The following CYSTM1 variants were observed in gnomAD, a reference collection of about 807,000 sequenced individuals.
CYSTM1 encodes cysteine-rich transmembrane module-containing protein 1.
A neutral mutation model predicts 13.1 loss-of-function variants in CYSTM1; 4 were observed. The ratio of observed to expected loss-of-function variants is 0.31; its 90% CI spans 0.15 to 0.70. The LOEUF (loss-of-function observed/expected upper bound fraction) is 0.70, where lower values mean the gene tolerates loss of function less well. Among genes scored for constraint, CYSTM1 ranks in the 30% least tolerant of loss-of-function variants. CYSTM1 has a pLI of 0.72. For missense variants in CYSTM1, 96 were observed against 121.6 expected, an observed-to-expected ratio of 0.79 and a Z score of 0.99; for synonymous variants, 36 against 42.7, an observed-to-expected ratio of 0.84 and a Z score of 0.62.
At chr5:140,232,320 T>G (rs1764626692) in intron 2 of CYSTM1, among the ~76,000 whole-genome samples, 1 of 152,144 alleles carries the variant, frequency 6.6e-6, no homozygotes, top group Non-Finnish European at 1.5e-5. Flanking sequence ...GAGATGTCAA[T>G]GTGGAGAGCC....
intron 2 of CYSTM1, among the ~76,000 whole-genome samples, chr5:140,204,689 GCCCT>G (rs1764276357): frequency 6.6e-6 from 1 of 152,114 alleles, no homozygotes; most frequent in Non-Finnish European, 1.5e-5. Context: ...CTTTGAGTGT[GCCCT>G]GCCTCCCCTT....
intron 1 of CYSTM1, among the ~76,000 whole-genome samples, chr5:140,176,580 C>G (rs1581055403): frequency 6.6e-6 from 1 of 152,142 alleles, no homozygotes. Context: ...ATAGCGTCCA[C>G]AACACTTTGC....
chr5:140,189,070 C>T (rs543497183), intron 1 of CYSTM1, among the ~76,000 whole-genome samples: 108 of 152,260 alleles, frequency 7.1e-4, no homozygotes, highest in African/African-American at 2.5e-3. Context: ...TCAGTATCCA[C>T]AGATTTGTTT....
intron 1 of CYSTM1, among the ~76,000 whole-genome samples, chr5:140,177,353 G>A (rs1763903237): frequency 6.6e-6 from 1 of 151,994 alleles, no homozygotes. Context: ...GTGCAGTGTC[G>A]AGATCTTGGC....
At chr5:140,205,168 GGT>G (rs879909640) in intron 2 of CYSTM1, among the ~76,000 whole-genome samples, 2 of 152,080 alleles carry the variant, frequency 1.3e-5, no homozygotes, top group Non-Finnish European at 2.9e-5. Context: ...CATCTTCAGG[GGT>G]ACCCTTTTGG....
In CYSTM1 at chr5:140,194,613, G is replaced by A. The variant is rs200380290; in HGVS notation, c.148G>A (p.Gly50Ser). The A allele has an allele frequency of 2.5e-5, 41 of 1,613,364 alleles. No individual in the cohort carries two copies. Among genetic ancestry groups the A allele is most frequent in the South Asian group, 5.5e-5 (5 of 91,014 alleles). Residue 50 changes from glycine to serine, a missense_variant, in exon 2 of 3, where the codon GGC (glycine) becomes AGC (serine). Coordinates refer to ENST00000261811, the MANE Select transcript of CYSTM1 (RefSeq NM_032412.4). The stretch of plus-strand genomic sequence containing the variant: ...CCCCTACCAAGGATACCCACAGTAC[G>A]GCTGGCAGGGTGGACCTCAGGAGCC... ...GYPYQGYPQY[G>S]WQGGPQEPPK...
Position 140,243,452 on chromosome 5 carries a change from C to A in CYSTM1, c.*41C>A. 1 of 1,567,926 alleles carries A rather than the reference C, an allele frequency of 6.4e-7. No homozygotes were observed. The highest frequency in any genetic ancestry group is 8.8e-7 in the Non-Finnish European group (1 of 1,142,488). ...CGTCCTGTCCTGCCAGCTCTGCTGC[C>A]ACCTCTGACAGGTGTGCCTGCCCCC... On this transcript the variant is annotated 3_prime_UTR_variant, in exon 3 of 3. Transcript: ENST00000261811.
At position 140,241,765 on chromosome 5, in the gene CYSTM1, G is replaced by T. The variant is rs571202801; in HGVS notation, c.188-1540G>T. 2.0e-5 allele frequency among the ~76,000 whole-genome samples: 3 copies of T among 152,176 alleles called. No homozygotes were observed. The East Asian group carries it at 5.8e-4, about 29-fold the overall frequency. ...GCTTTCCTGCTGCAGTGACCCCAGG[G>T]CCTGGGGTGGCCAGGCTTCAGTGGG... On this transcript the variant is annotated intron_variant, in intron 2 of 2. Coordinates refer to ENST00000261811, the MANE Select transcript of CYSTM1 (RefSeq NM_032412.4).
intron 2 of CYSTM1, among the ~76,000 whole-genome samples, chr5:140,210,714 G>A (rs890093613): frequency 2.0e-5 from 3 of 152,034 alleles, no homozygotes; most frequent in Non-Finnish European, 2.9e-5. Context: ...GTCTCGCTCT[G>A]TTACACAGGC....
intron 1 of CYSTM1, among the ~76,000 whole-genome samples, chr5:140,189,396 C>G (rs766296060): frequency 4.6e-5 from 7 of 152,000 alleles, no homozygotes; most frequent in Non-Finnish European, 1.0e-4. Context: ...TGTAAGCTAC[C>G]TGAGAGCTTC....
intron 2 of CYSTM1, among the ~76,000 whole-genome samples, chr5:140,214,201 C>T (rs1764402670): frequency 6.6e-6 from 1 of 152,208 alleles, no homozygotes; most frequent in Admixed American, 6.5e-5. Context: ...CTAATGACTG[C>T]ACCAGCAGTG....
chr5:140,217,062 GA>G (rs200906820), intron 2 of CYSTM1, among the ~76,000 whole-genome samples: 48 of 151,182 alleles, frequency 3.2e-4, no homozygotes, highest in Middle Eastern at 3.4e-3. Context: ...TTTCCTTAGG[GA>G]AAAAAAAATC....
intron 2 of CYSTM1, among the ~76,000 whole-genome samples, chr5:140,217,076 C>A (rs962465773): frequency 6.6e-6 from 1 of 152,064 alleles, no homozygotes; most frequent in African/African-American, 2.4e-5. Flanking sequence ...AAAAAATCTC[C>A]ATTAGGCTTT....
chr5:140,206,958 A>G (rs942505693), intron 2 of CYSTM1, among the ~76,000 whole-genome samples: 2 of 152,158 alleles, frequency 1.3e-5, no homozygotes, highest in Non-Finnish European at 2.9e-5. Flanking sequence ...TAAACTGAGG[A>G]TAATCCATTT....
At chr5:140,226,564 A>T (rs1375987944) in intron 2 of CYSTM1, among the ~76,000 whole-genome samples, 17 of 108,680 alleles carry the variant, frequency 1.6e-4, no homozygotes, top group African/African-American at 5.6e-4. Flanking sequence ...ATATAATATA[A>T]ATATATATTA....
At chr5:140,178,883 TGAGCTA>T (rs1434272441) in intron 1 of CYSTM1, among the ~76,000 whole-genome samples, 9 of 151,898 alleles carry the variant, frequency 5.9e-5, no homozygotes, top group Non-Finnish European at 1.2e-4. Flanking sequence ...ATTACAGGCA[TGAGCTA>T]CCATGCCTGG....
chr5:140,241,728 ACT>A (rs1418596625), intron 2 of CYSTM1, among the ~76,000 whole-genome samples: 1 of 151,904 alleles, frequency 6.6e-6, no homozygotes, highest in African/African-American at 2.4e-5. Flanking sequence ...TGGAAGGGAC[ACT>A]CTGCCTGGGG....
intron 2 of CYSTM1, among the ~76,000 whole-genome samples, chr5:140,210,290 A>G (rs1434630523): frequency 6.6e-6 from 1 of 152,136 alleles, no homozygotes; most frequent in Admixed American, 6.5e-5. Flanking sequence ...CCTCAGTGCT[A>G]TTGACACTTG....
chr5:140,189,789 C>CTA lies in CYSTM1; in HGVS notation c.-20-4645_-20-4644dup, dbSNP rs200720421. ...GTGGACTTACACACTTGTTTCACTT[C>CTA]TATATATATATATCTAAGAGCTTCT... On this transcript the variant is annotated intron_variant, in intron 1 of 2. Transcript: ENST00000261811. Among the ~76,000 whole-genome samples, 78 of 151,516 alleles carry CTA rather than the reference C, an allele frequency of 5.1e-4. 2 individuals are homozygous for CTA. The South Asian group carries it at 0.013, about 25-fold the overall frequency.
Sources: gnomAD v4.1 joint callset for allele counts (sites outside exome capture counted in the v4.1 genomes callset) on GRCh38, gnomAD v4.1.1 for gene constraint, MANE v1.5 for transcripts, NCBI Gene and HGNC (gene_info 2026-07-23, HGNC 2026-07-21) for gene names.